Variants in ATP9B observed in about 807,000 individuals in gnomAD.
ATP9B encodes probable phospholipid-transporting ATPase IIB.
ATP9B carries 110 observed loss-of-function variants against 146.1 expected under a neutral mutation model. The ratio of observed to expected loss-of-function variants is 0.75; its 90% CI spans 0.65 to 0.88. The LOEUF is 0.88. Among genes scored for constraint, ATP9B ranks in the 40% least tolerant of loss-of-function variants. The pLI is 0.00. For missense variants in ATP9B, 1,499 were observed against 1,496.4 expected (o/e 1.00, Z -0.03); for synonymous variants, 604 against 569.7 (o/e 1.06, Z -0.86).
intron 20 of ATP9B, chr18:79,343,597 T>A (rs2096869950): frequency 6.6e-6 from 1 of 152,250 alleles, no homozygotes; most frequent in Non-Finnish European, 1.5e-5. Flanking sequence ...AGCAATTAAG[T>A]ATTTTGCATT....
chr18:79,216,020 G>A (rs1205624046), intron 11 of ATP9B, among the ~76,000 whole-genome samples: 1 of 152,122 alleles, frequency 6.6e-6, no homozygotes, highest in Non-Finnish European at 1.5e-5. Flanking sequence ...TGTATGTACA[G>A]TTCTAGGATT....
chr18:79,191,799 C>G (rs2095369279), intron 8 of ATP9B, among the ~76,000 whole-genome samples: 3 of 152,204 alleles, frequency 2.0e-5, no homozygotes, highest in Admixed American at 2.0e-4. Context: ...CAGGGCCAGT[C>G]TTCACTGATC....
chr18:79,371,450 C>T (rs1207501149), intron 26 of ATP9B, among the ~76,000 whole-genome samples: 2 of 149,710 alleles, frequency 1.3e-5, no homozygotes, highest in Non-Finnish European at 3.0e-5. Context: ...TTTTCATATT[C>T]ACGTGTGAGG....
chr18:79,141,518 T>TA (rs2094513990), intron 5 of ATP9B, among the ~76,000 whole-genome samples: 1 of 152,216 alleles, frequency 6.6e-6, no homozygotes, highest in African/African-American at 2.4e-5. Context: ...AAATATGTCA[T>TA]TAGATTTAAA....
rs761352561 is a variant in ATP9B at position 79,329,194 on chromosome 18, C to T, written c.1827C>T (p.Asp609=). The change falls in exon 16 of 30, where the codon GAC becomes GAT. Residue 609 remains aspartate (D), a synonymous_variant. Coordinates refer to ENST00000426216, the MANE Select transcript of ATP9B (RefSeq NM_198531.5). ...TGGGCCTCACGCTGGTCAGCAGGGA[C>T]CTCACCTCCATGCAGCTGAAGACCC... ...ESVGLTLVSR[D]LTSMQLKTPS... The T allele has an allele frequency of 6.2e-7, 1 of 1,612,102 alleles. No homozygotes were observed. The highest frequency in any genetic ancestry group is 2.2e-5 in the East Asian group (1 of 44,842).
chr18:79,198,448 A>G (rs1422106001), intron 9 of ATP9B, among the ~76,000 whole-genome samples: 2 of 152,246 alleles, frequency 1.3e-5, no homozygotes, highest in Non-Finnish European at 2.9e-5. Context: ...TTATGCACTA[A>G]TAACAGAGCT....
At chr18:79,203,058 T>C (rs2095502802) in intron 9 of ATP9B, among the ~76,000 whole-genome samples, 1 of 152,196 alleles carries the variant, frequency 6.6e-6, no homozygotes, top group African/African-American at 2.4e-5. Flanking sequence ...GGGAATACAA[T>C]TGTGTGAATT....
At chr18:79,343,522 C>T (rs1242382591) in intron 20 of ATP9B, among the ~76,000 whole-genome samples, 2 of 152,040 alleles carry the variant, frequency 1.3e-5, no homozygotes, top group African/African-American at 4.8e-5. Flanking sequence ...TTTTAAAAAT[C>T]CCTCAGACAC....
intron 13 of ATP9B, among the ~76,000 whole-genome samples, chr18:79,278,118 A>G (rs1322070316): frequency 6.6e-6 from 1 of 152,246 alleles, no homozygotes; most frequent in Non-Finnish European, 1.5e-5. Context: ...GGATTAAAAT[A>G]ACAAAACAGG....
At chr18:79,322,434 G>T (rs574622945) in intron 15 of ATP9B, among the ~76,000 whole-genome samples, 1 of 152,170 alleles carries the variant, frequency 6.6e-6, no homozygotes, top group African/African-American at 2.4e-5. Flanking sequence ...TCTCCTGGCC[G>T]CACCCTCGGG....
rs1194830679 is a variant in ATP9B, at chr18:79,253,663, TTC to T, written c.1268+124_1268+125del. The T allele has an allele frequency of 6.5e-6, 7 of 1,069,404 alleles. No homozygotes were observed. The African/African-American group carries it at 8.2e-5, about 12-fold the overall frequency. The allele number at this position is 1,069,404 out of a possible 1,614,324, so 66.2% of individuals were successfully genotyped here. ...AAGCTAGAGAAGTAGGAGCCAGAAG[TTC>T]TGAGGAATCTTGAGGAATTCTTCTG... On this transcript the variant is annotated intron_variant, in intron 12 of 29. Transcript: ENST00000426216.
At chr18:79,209,128 A>G (rs1401837120) in intron 10 of ATP9B, among the ~76,000 whole-genome samples, 1 of 152,186 alleles carries the variant, frequency 6.6e-6, no homozygotes, top group African/African-American at 2.4e-5. Context: ...GCCAGTTACC[A>G]TAGAGCCAGG....
At chr18:79,147,689 T>TC (rs2147511923) in intron 6 of ATP9B, among the ~76,000 whole-genome samples, 1 of 152,106 alleles carries the variant, frequency 6.6e-6, no homozygotes, top group South Asian at 2.1e-4. Flanking sequence ...TGGGAGGAAT[T>TC]CTGTAGCATG....
intron 6 of ATP9B, among the ~76,000 whole-genome samples, chr18:79,153,264 TTTC>T (rs1398690487): frequency 1.3e-5 from 2 of 152,240 alleles, no homozygotes; most frequent in African/African-American, 2.4e-5. Context: ...TTATATATTT[TTTC>T]TTTAGACTGA....
At chr18:79,139,469 T>G (rs34681480) in intron 5 of ATP9B, among the ~76,000 whole-genome samples, 9,273 of 152,326 alleles carry the variant, frequency 0.061, 366 homozygotes, top group Non-Finnish European at 0.092. Flanking sequence ...ACAGTAAGAA[T>G]TTTTCAGCTC....
rs2096950390 is a variant in ATP9B at position 79,356,002 on chromosome 18, G to A, written c.2904-3352G>A. Among the ~76,000 whole-genome samples the A allele has an allele frequency of 2.6e-5, 4 of 152,318 alleles. No homozygotes were observed. The South Asian group carries it at 8.3e-4, about 32-fold the overall frequency. On this transcript the variant is annotated intron_variant, in intron 25 of 29. Transcript: ENST00000426216. Reference sequence around the variant, plus strand: ...GCTTCCGGAAAGGAAAGGGGGTGTTGGCAAGACTCGTGTCCAGCAGTGCTT... The same window carrying A: ...GCTTCCGGAAAGGAAAGGGGGTGTTAGCAAGACTCGTGTCCAGCAGTGCTT...
At chr18:79,377,025 T>C (rs1319757926) in intron 29 of ATP9B, among the ~76,000 whole-genome samples, 1 of 152,162 alleles carries the variant, frequency 6.6e-6, no homozygotes, top group African/African-American at 2.4e-5. Context: ...TTTGGTTTTG[T>C]TTTTTCCATT....
intron 7 of ATP9B, among the ~76,000 whole-genome samples, chr18:79,172,442 T>TG (rs375043844): frequency 6.1e-4 from 43 of 70,864 alleles, no homozygotes; most frequent in Middle Eastern, 6.0e-3. Flanking sequence ...ATTACAGGCG[T>TG]AGCCACCGTG....
rs1018759434 is a variant in ATP9B, at chr18:79,072,457, C to T, written c.119+2928C>T. ...GACACAGCACATGTTTCAGAGAGCA[C>T]GGGGTTGGGGGTAAGGTTATAGATT... is the stretch of plus-strand genomic sequence containing the variant. On this transcript the variant is annotated intron_variant, in intron 1 of 29. Coordinates refer to ENST00000426216, the MANE Select transcript of ATP9B (RefSeq NM_198531.5). Among the ~76,000 whole-genome samples, 5 of 152,230 alleles carry T rather than the reference C, an allele frequency of 3.3e-5. No homozygotes were observed. The South Asian group carries it at 6.2e-4, about 19-fold the overall frequency.
Sources: gnomAD v4.1 joint callset for allele counts (sites outside exome capture counted in the v4.1 genomes callset) on GRCh38, gnomAD v4.1.1 for gene constraint, MANE v1.5 for transcripts, NCBI Gene and HGNC (gene_info 2026-07-23, HGNC 2026-07-21) for gene names.